The following CYB5R3 variants were observed in gnomAD, a reference collection of about 807,000 sequenced individuals.
CYB5R3 encodes cytochrome b5 reductase 3, also known as NADH-cytochrome b5 reductase 3.
In CYB5R3, 28 loss-of-function variants were observed where a neutral mutation model predicts 36.5. That is an observed-to-expected ratio of 0.77 (90% CI 0.57 to 1.05). The LOEUF (loss-of-function observed/expected upper bound fraction) is 1.05, where lower values mean the gene tolerates loss of function less well. Among genes scored for constraint, CYB5R3 ranks in the 50% least tolerant of loss-of-function variants. The pLI, the probability that CYB5R3 is intolerant of heterozygous loss-of-function variation, is 0.00. For synonymous variants in CYB5R3, 181 were observed against 159.8 expected (o/e 1.13, Z -1.00); for missense variants, 474 against 408.9 (o/e 1.16, Z -1.37).
At chr22:42,641,432 A>G (rs899999976) in intron 1 of CYB5R3, among the ~76,000 whole-genome samples, 10 of 150,612 alleles carry the variant, frequency 6.6e-5, no homozygotes, top group Admixed American at 2.6e-4. Flanking sequence ...TCAACCTCCC[A>G]AGTAGCTGGG....
At chr22:42,645,959 C>G (rs1024384554) in intron 1 of CYB5R3, among the ~76,000 whole-genome samples, 2 of 152,058 alleles carry the variant, frequency 1.3e-5, no homozygotes, top group African/African-American at 4.8e-5. Flanking sequence ...CAGACACCGG[C>G]AGAGAGGGCG....
chr22:42,631,612 C>T, intron 2 of CYB5R3, 162 bp from the exon 3 acceptor site: 1 of 686,590 alleles, frequency 1.5e-6, no homozygotes. Context: ...AGCACAGATG[C>T]ACACACATGC....
rs778446022 is a variant in CYB5R3, at chr22:42,636,738, G to A, written c.130C>T (p.Pro44Ser). 6 of 1,613,056 alleles carry A rather than the reference G, an allele frequency of 3.7e-6. No individual in the cohort carries two copies. The highest frequency in any genetic ancestry group is 1.3e-5 in the African/African-American group (1 of 74,944). ...ITLESPDIKY[P>S]LRLIDREIIS... Reference sequence around the variant, plus strand: ...ACCTCCCGGTCGATGAGCCGCAGCGGGTACTTGATGTCCGGGCTCTCGAGG... The same window carrying A: ...ACCTCCCGGTCGATGAGCCGCAGCGAGTACTTGATGTCCGGGCTCTCGAGG... Residue 44 changes from proline (P) to serine (S), a missense_variant, in exon 2 of 9, where the codon CCG becomes TCG. Coordinates refer to ENST00000352397, the MANE Select transcript of CYB5R3 (RefSeq NM_000398.7).
rs563810519 is a variant in CYB5R3 at position 42,631,126 on chromosome 22, C to G, written c.227-138G>C. The G allele has an allele frequency of 3.5e-6, 3 of 865,818 alleles. No individual in the cohort carries two copies. The Admixed American group carries it at 6.1e-5, about 17-fold the overall frequency. The allele number at this position is 865,818 out of a possible 1,614,324, so 53.6% of individuals were successfully genotyped here. On this transcript the variant is annotated intron_variant, in intron 3 of 8. Coordinates refer to ENST00000352397, the MANE Select transcript of CYB5R3 (RefSeq NM_000398.7). ...TCAGCTCCCACGGCCCCCTCCCACC[C>G]CTCCCGGGGATTCCCCTCACGTCCC...
At chr22:42,634,180 T>C (rs1023139202) in intron 2 of CYB5R3, among the ~76,000 whole-genome samples, 1 of 149,132 alleles carries the variant, frequency 6.7e-6, no homozygotes, top group Non-Finnish European at 1.5e-5. Flanking sequence ...GTTGAAACCC[T>C]GACTCTACTA....
rs121965015 is a variant in CYB5R3 at position 42,627,326 on chromosome 22, C to T, written c.611G>A (p.Cys204Tyr). The change falls in exon 7 of 9, where the codon TGC (cysteine) becomes TAC (tyrosine). Residue 204 changes from cysteine to tyrosine, a missense_variant. Transcript: ENST00000352397. ...IMKDPDDHTV[C>Y]HLLFANQTEK... ...GACCTGGTTGGCAAAGAGCAGGTGG[C>T]ACACAGTGTGGTCATCAGGGTCCTT... 8.7e-6 allele frequency: 14 copies of T among 1,613,872 alleles called. No homozygotes were observed. In the East Asian group the frequency reaches 2.5e-4, roughly 28 times the overall value.
At chr22:42,645,565 C>T (rs774134321) in intron 1 of CYB5R3, among the ~76,000 whole-genome samples, 1 of 152,138 alleles carries the variant, frequency 6.6e-6, no homozygotes, top group African/African-American at 2.4e-5. Flanking sequence ...CCAGGCTCGC[C>T]GTGGGCAGCA....
chr22:42,637,771 G>C (rs1184195840), intron 1 of CYB5R3, among the ~76,000 whole-genome samples: 1 of 152,208 alleles, frequency 6.6e-6, no homozygotes, highest in Non-Finnish European at 1.5e-5. Flanking sequence ...TCGCAGATGA[G>C]GAAACAGCCC....
chr22:42,642,366 A>T (rs1403759097), intron 1 of CYB5R3, among the ~76,000 whole-genome samples: 1 of 152,206 alleles, frequency 6.6e-6, no homozygotes, highest in Non-Finnish European at 1.5e-5. Context: ...AGCCAGCCTC[A>T]GCCTTCCAAG....
At position 42,627,410 on chromosome 22, in the gene CYB5R3, C is replaced by T. The variant is rs565526310; in HGVS notation, c.548-21G>A. On this transcript the variant is annotated intron_variant, in intron 6 of 8. Coordinates refer to ENST00000352397, the MANE Select transcript of CYB5R3 (RefSeq NM_000398.7). ...GATGCCTGCAAAATAGCCGGCCGGG[C>T]CTCGCACGTGCTGAGCGAGGCCTGT... 1.4e-5 allele frequency: 23 copies of T among 1,611,744 alleles called. No homozygotes were observed. In the East Asian group the frequency reaches 3.8e-4, roughly 27 times the overall value.
At chr22:42,628,098 GCT>G in intron 5 of CYB5R3, 52 bp downstream of exon 5, 1 of 1,611,256 alleles carries the variant, frequency 6.2e-7, no homozygotes, top group South Asian at 1.1e-5. Context: ...GCACGCCCAA[GCT>G]CTCCAATTCT....
intron 1 of CYB5R3, among the ~76,000 whole-genome samples, chr22:42,641,880 T>C (rs1452049507): frequency 1.3e-5 from 2 of 152,080 alleles, no homozygotes; most frequent in African/African-American, 4.8e-5. Flanking sequence ...CGCCTCAGCC[T>C]CCCACAGTAC....
At chr22:42,632,153 G>A (rs757700742) in intron 2 of CYB5R3, 3 of 153,624 alleles carry the variant, frequency 2.0e-5, no homozygotes, top group African/African-American at 2.4e-5. Context: ...TGTTAAGTGG[G>A]TCTTACGCTC....
chr22:42,638,728 T>TAAAAAAAAAAAAAA (rs67349863), intron 1 of CYB5R3, among the ~76,000 whole-genome samples: 516 of 47,490 alleles, frequency 0.011, 68 homozygotes, highest in African/African-American at 0.043. Context: ...CAAGACTCCA[T>TAAAAAAAAAAAAAA]AAAAAAAAAA....
At chr22:42,638,124 A>G (rs1048794494) in intron 1 of CYB5R3, among the ~76,000 whole-genome samples, 8 of 151,860 alleles carry the variant, frequency 5.3e-5, no homozygotes, top group Non-Finnish European at 8.8e-5. Context: ...GGCCCGGTGC[A>G]GTGGCTCACG....
intron 5 of CYB5R3, 79 bp downstream of exon 5, chr22:42,628,073 T>G: frequency 6.3e-7 from 1 of 1,591,982 alleles, no homozygotes; most frequent in Non-Finnish European, 8.6e-7. Context: ...GCCAGGGGCC[T>G]GCACCCTGCA....
chr22:42,619,767 C>A lies in CYB5R3; in HGVS notation c.*6G>T. 1 of 1,570,066 alleles carries A rather than the reference C, an allele frequency of 6.4e-7. No individual in the cohort carries two copies. ...GGGCGGGTGGCCGTGTGACCGTGCC[C>A]GGCCCTCAGAAGACGAAGCAGCGCT... On this transcript the variant is annotated 3_prime_UTR_variant, in exon 9 of 9. Coordinates refer to ENST00000352397, the MANE Select transcript of CYB5R3 (RefSeq NM_000398.7).
chr22:42,622,348 C>T (rs919702690), intron 8 of CYB5R3, among the ~76,000 whole-genome samples: 2 of 152,024 alleles, frequency 1.3e-5, no homozygotes, highest in Non-Finnish European at 2.9e-5. Flanking sequence ...CCACCATAAC[C>T]GCGCTATAAT....
At chr22:42,644,423 A>G (rs577135694) in intron 1 of CYB5R3, 12 of 732,174 alleles carry the variant, frequency 1.6e-5, no homozygotes, top group Admixed American at 8.0e-5. Flanking sequence ...CATCAAGCCC[A>G]TCTTGCTTCA....
Sources: gnomAD v4.1 joint callset for allele counts (sites outside exome capture counted in the v4.1 genomes callset) on GRCh38, gnomAD v4.1.1 for gene constraint, MANE v1.5 for transcripts, NCBI Gene and HGNC (gene_info 2026-07-23, HGNC 2026-07-21) for gene names.